The following BICD1 variants were observed in gnomAD, a reference collection of about 807,000 sequenced individuals.
BICD1 encodes the protein BICD cargo adaptor 1, also known as protein bicaudal D homolog 1.
BICD1 carries 35 observed loss-of-function variants against 92.5 expected under a neutral mutation model. That is an observed-to-expected ratio of 0.38 (90% CI 0.29 to 0.50). The LOEUF is 0.50. Ranked by LOEUF, BICD1 falls within the 20% of genes least tolerant of loss-of-function variation. The pLI, the probability that BICD1 is intolerant of heterozygous loss-of-function variation, is 0.93. For synonymous variants in BICD1, 429 were observed against 465.1 expected (o/e 0.92, Z 1.00); for missense variants, 950 against 1,189.8 (o/e 0.80, Z 2.97).
chr12:32,214,864 C>T (rs1223256147), intron 1 of BICD1, among the ~76,000 whole-genome samples: 1 of 152,082 alleles, frequency 6.6e-6, no homozygotes, highest in Non-Finnish European at 1.5e-5. Context: ...TCCCCCAACA[C>T]CGAGAGGTTG....
chr12:32,323,326 G>A (rs1382844131), intron 4 of BICD1, among the ~76,000 whole-genome samples: 1 of 152,194 alleles, frequency 6.6e-6, no homozygotes, highest in African/African-American at 2.4e-5. Flanking sequence ...AAACATTTTG[G>A]TTGTGGGAGG....
At chr12:32,301,767 C>T (rs1028686160) in intron 3 of BICD1, among the ~76,000 whole-genome samples, 2 of 151,978 alleles carry the variant, frequency 1.3e-5, no homozygotes, top group Non-Finnish European at 2.9e-5. Flanking sequence ...AGAGCAAGAC[C>T]CTGTCACAAA....
chr12:32,359,596 T>A (rs1939246345), intron 8 of BICD1, among the ~76,000 whole-genome samples: 1 of 152,158 alleles, frequency 6.6e-6, no homozygotes, highest in Admixed American at 6.5e-5. Context: ...TCCAATCACC[T>A]CTTAAAAAGT....
intron 8 of BICD1, chr12:32,340,590 TAATC>T (rs1263233073): frequency 1.3e-5 from 10 of 777,946 alleles, no homozygotes; most frequent in Non-Finnish European, 1.4e-5. Flanking sequence ...TAAAAATTAA[TAATC>T]AATGTTAACA....
In BICD1 at chr12:32,109,003, C is replaced by T. The variant is rs147355463; in HGVS notation, c.213+1459C>T. On this transcript the variant is annotated intron_variant, in intron 1 of 9. Coordinates refer to ENST00000652176, the MANE Select transcript of BICD1 (RefSeq NM_001714.4). ...ATTCTCAGAGATGTTTTGATATTGT[C>T]TATACCTATCAACACTGCTTTGCCA... is the stretch of plus-strand genomic sequence containing the variant. 447 of 225,966 alleles carry T rather than the reference C, an allele frequency of 2.0e-3. 4 individuals carry two copies. The highest frequency in any genetic ancestry group is 9.7e-3 in the African/African-American group (430 of 44,414). 14.0% of individuals were successfully genotyped at this position (225,966 alleles called of 1,614,324 possible).
At chr12:32,321,641 T>C (rs140881469) in intron 4 of BICD1, among the ~76,000 whole-genome samples, 21 of 152,318 alleles carry the variant, frequency 1.4e-4, no homozygotes, top group African/African-American at 3.8e-4. Flanking sequence ...TAGTAACACT[T>C]CAAATGTATA....
At chr12:32,156,980 A>G (rs1041114041) in intron 1 of BICD1, among the ~76,000 whole-genome samples, 4 of 152,338 alleles carry the variant, frequency 2.6e-5, no homozygotes, top group Admixed American at 1.3e-4. Context: ...ATACACATAT[A>G]AGCATATACT....
At chr12:32,245,033 A>G (rs1403784432) in intron 2 of BICD1, among the ~76,000 whole-genome samples, 2 of 152,098 alleles carry the variant, frequency 1.3e-5, no homozygotes, top group African/African-American at 4.8e-5. Flanking sequence ...AGGCCCCACC[A>G]CTTATTTTCA....
chr12:32,179,056 G>A (rs923752043), intron 1 of BICD1, among the ~76,000 whole-genome samples: 1 of 151,986 alleles, frequency 6.6e-6, no homozygotes, highest in Non-Finnish European at 1.5e-5. Flanking sequence ...ACAGGTTTTG[G>A]ATATATGGAG....
intron 2 of BICD1, among the ~76,000 whole-genome samples, chr12:32,273,667 T>C (rs1159541769): frequency 6.6e-6 from 1 of 152,206 alleles, no homozygotes; most frequent in Non-Finnish European, 1.5e-5. Context: ...TTAAATAACA[T>C]AGTAGAAATC....
intron 2 of BICD1, among the ~76,000 whole-genome samples, chr12:32,241,339 A>G (rs570208155): frequency 3.9e-5 from 6 of 152,318 alleles, no homozygotes; most frequent in African/African-American, 1.2e-4. Flanking sequence ...GTTCAGGGGA[A>G]TAAAATGAAG....
At chr12:32,308,015 A>C (rs1948275835) in intron 4 of BICD1, among the ~76,000 whole-genome samples, 1 of 152,206 alleles carries the variant, frequency 6.6e-6, no homozygotes, top group Non-Finnish European at 1.5e-5. Flanking sequence ...CAGCACAACA[A>C]TTTTCAAGCA....
intron 9 of BICD1, among the ~76,000 whole-genome samples, chr12:32,374,910 C>CTTT (rs1185628924): frequency 0.15 from 7,492 of 49,678 alleles, 2,163 homozygotes; most frequent in East Asian, 0.25. Flanking sequence ...ATTTATTTTC[C>CTTT]TTTTTTTTTT....
chr12:32,303,055 C>T (rs1948105628), intron 3 of BICD1, among the ~76,000 whole-genome samples: 2 of 151,810 alleles, frequency 1.3e-5, no homozygotes, highest in Admixed American at 1.3e-4. Context: ...CCACCTCATC[C>T]TCCCGAATAG....
intron 2 of BICD1, among the ~76,000 whole-genome samples, chr12:32,256,199 T>G (rs969105612): frequency 1.8e-4 from 27 of 152,144 alleles, no homozygotes; most frequent in African/African-American, 5.3e-4. Context: ...ACTACAGCCA[T>G]GCACTACCAT....
chr12:32,363,450 A>G (rs1355376120), intron 8 of BICD1, among the ~76,000 whole-genome samples: 1 of 152,238 alleles, frequency 6.6e-6, no homozygotes, highest in Non-Finnish European at 1.5e-5. Context: ...GCCTTATCAT[A>G]TAAACGTACA....
At position 32,337,844 on chromosome 12, in the gene BICD1, G is replaced by A. The variant is rs758492177; in HGVS notation, c.2570+28G>A. 12 of 1,599,752 alleles carry A rather than the reference G, an allele frequency of 7.5e-6. No homozygotes were observed. Among genetic ancestry groups the A allele is most frequent in the Admixed American group, 6.7e-5 (4 of 59,796 alleles). On this transcript the variant is annotated intron_variant, in intron 7 of 9. Coordinates refer to ENST00000652176, the MANE Select transcript of BICD1 (RefSeq NM_001714.4). The surrounding 1 kb of genome is among the most constrained non-coding windows in gnomAD (Gnocchi z 4.7). The stretch of plus-strand genomic sequence containing the variant: ...ATGCATGCAGCGATCTTCATAGTAC[G>A]GTGCAGTGGCCAGATTTTAGTTAAC...
intron 2 of BICD1, among the ~76,000 whole-genome samples, chr12:32,292,091 C>T (rs141524358): frequency 1.6e-4 from 25 of 152,322 alleles, no homozygotes; most frequent in African/African-American, 5.3e-4. Context: ...TTTAAAACAA[C>T]AGAAATTTAT....
chr12:32,233,033 G>T (rs1160920962), intron 2 of BICD1, among the ~76,000 whole-genome samples: 2 of 152,112 alleles, frequency 1.3e-5, no homozygotes, highest in African/African-American at 4.8e-5. Context: ...GGCAACTCTG[G>T]CACTGACATA....
Sources: gnomAD v4.1 joint callset for allele counts (sites outside exome capture counted in the v4.1 genomes callset) on GRCh38, gnomAD v4.1.1 for gene constraint, Gnocchi (gnomAD v3.1) non-coding constraint, MANE v1.5 for transcripts, NCBI Gene and HGNC (gene_info 2026-07-23, HGNC 2026-07-21) for gene names.